Variants in TMEM40 observed in about 807,000 individuals in gnomAD.
The protein encoded by TMEM40 is transmembrane protein 40.
A neutral mutation model predicts 40.8 loss-of-function variants in TMEM40; 34 were observed. That is an observed-to-expected ratio of 0.83 (90% CI 0.63 to 1.11). TMEM40 has a LOEUF of 1.11. Among genes scored for constraint, TMEM40 ranks in the 50% least tolerant of loss-of-function variants. The pLI is 0.00. For missense variants in TMEM40, 296 were observed against 280.2 expected (o/e 1.06, Z -0.40); for synonymous variants, 106 against 107.0 (o/e 0.99, Z 0.06).
chr3:12,748,851 C>T, intron 2 of TMEM40, 59 bp from the exon 3 acceptor site: 4 of 1,491,326 alleles, frequency 2.7e-6, no homozygotes, highest in African/African-American at 1.4e-5. Context: ...CCCCAGGGAC[C>T]ACCCAGTCCT....
At chr3:12,768,056 G>A (rs1313072467) in intron 1 of TMEM40, among the ~76,000 whole-genome samples, 1 of 152,142 alleles carries the variant, frequency 6.6e-6, no homozygotes, top group Non-Finnish European at 1.5e-5. Flanking sequence ...CCCTCGCAGT[G>A]TTACAGTTCT....
rs553750116 is a variant in TMEM40, at chr3:12,735,457, C to A, written c.682+98G>T. On this transcript the variant is annotated intron_variant, in intron 11 of 11. Transcript: ENST00000314124. The stretch of plus-strand genomic sequence containing the variant: ...GTAGGACTCAAACCTGGGTCCTCTG[C>A]CTCCAGGCTGTGTTCTTTCCTGTAT... 6.2e-5 allele frequency: 79 copies of A among 1,268,254 alleles called. No homozygotes were observed. In the South Asian group the frequency reaches 9.8e-4, roughly 16 times the overall value. 78.6% of individuals were successfully genotyped at this position (1,268,254 alleles called of 1,614,324 possible).
chr3:12,764,393 C>T (rs539586329), intron 1 of TMEM40, among the ~76,000 whole-genome samples: 1 of 152,256 alleles, frequency 6.6e-6, no homozygotes, highest in Admixed American at 6.5e-5. Flanking sequence ...GAAGTGGCTG[C>T]GTCAGGATCT....
In TMEM40 at chr3:12,734,704, C is replaced by G; in HGVS notation, c.*70G>C. 6.5e-7 allele frequency: 1 copy of G among 1,536,820 alleles called. No individual in the cohort carries two copies. The highest frequency in any genetic ancestry group is 1.2e-5 in the South Asian group (1 of 84,608). ...TGCGTCTCTCAGAATGCTGCTCTGC[C>G]CTTGTGGGCTCAGGGGTCGCAGTGG... On this transcript the variant is annotated 3_prime_UTR_variant, in exon 12 of 12. Transcript: ENST00000314124.
intron 10 of TMEM40, among the ~76,000 whole-genome samples, 186 bp from the exon 11 acceptor site, chr3:12,735,803 G>A (rs1051159239): frequency 6.6e-6 from 1 of 152,314 alleles, no homozygotes; most frequent in Non-Finnish European, 1.5e-5. Context: ...AACAGCAGAA[G>A]TAGTGGCAGG....
intron 2 of TMEM40, among the ~76,000 whole-genome samples, chr3:12,749,447 C>T (rs927576077): frequency 1.3e-5 from 2 of 152,176 alleles, no homozygotes; most frequent in Non-Finnish European, 2.9e-5. Context: ...CTAAACCTTC[C>T]CATTCCCCAT....
At chr3:12,762,343 A>T (rs1052000321), upstream of TMEM40, among the ~76,000 whole-genome samples, 1 of 152,164 alleles carries the variant, frequency 6.6e-6, no homozygotes, top group Non-Finnish European at 1.5e-5. Flanking sequence ...AAATTTTTTT[A>T]AATTTTAAGT....
At chr3:12,738,075 C>T in intron 7 of TMEM40, 61 bp downstream of exon 7, 1 of 1,603,986 alleles carries the variant, frequency 6.2e-7, no homozygotes, top group South Asian at 1.1e-5. Context: ...GTCTGAGGAC[C>T]CAACCCATCG....
upstream of TMEM40, among the ~76,000 whole-genome samples, chr3:12,761,312 A>G (rs150848047): frequency 4.6e-5 from 7 of 152,314 alleles, no homozygotes; most frequent in East Asian, 9.7e-4. Flanking sequence ...TGTGTTTAAG[A>G]TAAGAATTTT....
chr3:12,740,607 C>T (rs1025135867), intron 5 of TMEM40, among the ~76,000 whole-genome samples: 7 of 151,550 alleles, frequency 4.6e-5, no homozygotes, highest in African/African-American at 1.5e-4. Flanking sequence ...CTTGTAATCC[C>T]AGCACTTTGG....
In TMEM40 at chr3:12,748,797, A is replaced by G; in HGVS notation, c.74-5T>C. ...TGTGGAAATCTGTCTCTCCATCTAC[A>G]AGGCACACAGAGGCCAGGGGATGAG... On this transcript the variant is annotated splice_region_variant and splice_polypyrimidine_tract_variant and intron_variant, in intron 2 of 11. Transcript: ENST00000314124. 1 of 1,613,772 alleles carries G rather than the reference A, an allele frequency of 6.2e-7. No individual in the cohort carries two copies. The highest frequency in any genetic ancestry group is 1.1e-5 in the South Asian group (1 of 91,040).
chr3:12,738,578 T>C lies in TMEM40; in HGVS notation c.366A>G (p.Gly122=). The C allele has an allele frequency of 1.2e-6, 2 of 1,614,014 alleles. No homozygotes were observed. Among genetic ancestry groups the C allele is most frequent in the Non-Finnish European group, 1.7e-6 (2 of 1,179,994 alleles). Residue 122 remains glycine, a synonymous_variant, in exon 6 of 12, where the codon GGA becomes GGG. Coordinates refer to ENST00000314124, the MANE Select transcript of TMEM40 (RefSeq NM_018306.4). The stretch of plus-strand genomic sequence containing the variant: ...CTGATTCCCCAGAGGGTACCACCTC[T>C]CCAGGAGCATCTGCACAGAAAGGAA... The part of the protein sequence containing the change: ...DELQLYGDAP[G]EVVPSGESGL...
chr3:12,749,037 T>A (rs901613795), intron 2 of TMEM40, among the ~76,000 whole-genome samples: 3 of 152,098 alleles, frequency 2.0e-5, no homozygotes, highest in East Asian at 1.9e-4. Flanking sequence ...TCTTTCTTTT[T>A]TTTTTGAGAC....
chr3:12,757,949 C>T (rs916393041), intron 1 of TMEM40, among the ~76,000 whole-genome samples: 1 of 152,030 alleles, frequency 6.6e-6, no homozygotes, highest in Non-Finnish European at 1.5e-5. Context: ...GTGATCCACC[C>T]GCCTCAGCCT....
chr3:12,744,160 G>A (rs971404345), intron 3 of TMEM40, among the ~76,000 whole-genome samples, 171 bp from the exon 4 acceptor site: 1 of 152,180 alleles, frequency 6.6e-6, no homozygotes, highest in African/African-American at 2.4e-5. Flanking sequence ...CTTTAGGTGT[G>A]ACTTTGCACA....
At chr3:12,763,737 G>A (rs760854176), upstream of TMEM40, among the ~76,000 whole-genome samples, 1 of 152,212 alleles carries the variant, frequency 6.6e-6, no homozygotes, top group Admixed American at 6.5e-5. Flanking sequence ...CCTGGCACAC[G>A]TCAGCCCCTG....
At position 12,736,615 on chromosome 3, in the gene TMEM40, G is replaced by T; in HGVS notation, c.582C>A (p.Phe194Leu). 1 of 1,573,050 alleles carries T rather than the reference G, an allele frequency of 6.4e-7. No homozygotes were observed. Among genetic ancestry groups the T allele is most frequent in the Non-Finnish European group, 8.6e-7 (1 of 1,158,986 alleles). Residue 194 changes from phenylalanine (F) to leucine (L), a missense_variant, in exon 10 of 12, where the codon TTC becomes TTA. Phe to Leu is a conservative substitution (Grantham distance 22). Coordinates refer to ENST00000314124, the MANE Select transcript of TMEM40 (RefSeq NM_018306.4). The stretch of plus-strand genomic sequence containing the variant: ...AGATGCCAACGGTTTCCAGGGAGGC[G>T]AAGGTGAGCAGGCCGACCCCAAGAG... ...FMSLGVGLLT[F>L]ASLETVGIYF...
chr3:12,755,233 C>CTCTCTCTCTTTCTTTCTTTCTT (rs1553634013), intron 1 of TMEM40, among the ~76,000 whole-genome samples: 17 of 59,942 alleles, frequency 2.8e-4, no homozygotes, highest in Non-Finnish European at 5.0e-4. Context: ...CTCTCTCTCT[C>CTCTCTCTCTTTCTTTCTTTCTT]TCTTTCTTTC....
Position 12,743,921 on chromosome 3 carries a change from G to A in TMEM40, c.280C>T (p.Pro94Ser), listed in dbSNP as rs776998006. Residue 94 changes from proline to serine, a missense_variant, in exon 4 of 12, where the codon CCC becomes TCC. Physicochemically the swap from Pro to Ser is moderately conservative, Grantham distance 74. Transcript: ENST00000314124. Reference protein sequence around the residue: ...KHRRSLGAGYPHGNGSPGPGH... With the variant: ...KHRRSLGAGYSHGNGSPGPGH... ...CTACCGGGTGAGCCGTTCCCGTGGG[G>A]GTATCCAGCCCCCAGGCTCCGTCGA... is the stretch of plus-strand genomic sequence containing the variant. The A allele has an allele frequency of 1.9e-5, 31 of 1,613,358 alleles. No individual in the cohort carries two copies. The highest frequency in any genetic ancestry group is 2.6e-5 in the Non-Finnish European group (31 of 1,179,746).
Sources: allele counts gnomAD v4.1 joint callset (sites outside exome capture counted in the v4.1 genomes callset), GRCh38; gene constraint gnomAD v4.1.1; transcripts MANE v1.5; gene names NCBI Gene and HGNC (gene_info 2026-07-23, HGNC 2026-07-21).